The following NRG3 variants were observed in gnomAD, a reference collection of about 807,000 sequenced individuals.
The protein encoded by NRG3 is pro-neuregulin-3, membrane-bound isoform.
NRG3 carries 31 observed loss-of-function variants against 66.9 expected under a neutral mutation model. That is an observed-to-expected ratio of 0.46 (90% CI 0.35 to 0.63). NRG3 has a LOEUF of 0.63. NRG3 is among the 20% of genes least tolerant of loss of function. The pLI is 0.00. For synonymous variants in NRG3, 393 were observed against 359.4 expected (o/e 1.09, Z -1.06); for missense variants, 910 against 878.9 (o/e 1.04, Z -0.45).
At chr10:82,012,686 CT>C (rs1211372260) in intron 1 of NRG3, among the ~76,000 whole-genome samples, 2 of 152,188 alleles carry the variant, frequency 1.3e-5, no homozygotes, top group African/African-American at 2.4e-5. Flanking sequence ...TTAGAAATTT[CT>C]TCCACCAGAT....
chr10:82,567,004 C>T (rs2045449999), intron 2 of NRG3, among the ~76,000 whole-genome samples: 1 of 151,876 alleles, frequency 6.6e-6, no homozygotes, highest in Admixed American at 6.6e-5. Context: ...CACAGCAATA[C>T]TCTTCCAAGC....
chr10:82,478,231 CTTTTTTTTTTTTTTT>C (rs1210990084), intron 2 of NRG3, among the ~76,000 whole-genome samples: 1 of 18,150 alleles, frequency 5.5e-5, no homozygotes, highest in African/African-American at 1.2e-4. Context: ...TTGTGTCACT[CTTTTTTTTTTTTTTT>C]TTTTTTTTTT....
At position 82,047,040 on chromosome 10, in the gene NRG3, T is replaced by C. The variant is rs200663232; in HGVS notation, c.823+170877T>C. 3.2e-3 allele frequency among the ~76,000 whole-genome samples: 489 copies of C among 151,640 alleles called. 3 individuals carry two copies. Among genetic ancestry groups the C allele is most frequent in the African/African-American group, 0.011 (464 of 41,442 alleles). ...TTGGTCTAAAATTCTCTTTCTTGGT[T>C]GTGTCTCTGCCAGGCTTTGGTATCA... On this transcript the variant is annotated intron_variant, in intron 1 of 8. Transcript: ENST00000372141.
At chr10:82,102,113 CATATATATATATGTGTATTCATAT>C (rs1423928843) in intron 1 of NRG3, among the ~76,000 whole-genome samples, 1,336 of 85,992 alleles carry the variant, frequency 0.016, 56 homozygotes, top group African/African-American at 0.053. Context: ...TATGTGTATT[CATATATATATATGTGTATTCATAT>C]ATATATATAT....
intron 1 of NRG3, among the ~76,000 whole-genome samples, chr10:82,281,903 G>A (rs1406734225): frequency 1.3e-5 from 2 of 152,168 alleles, no homozygotes; most frequent in African/African-American, 4.8e-5. Context: ...AGAAAGGATT[G>A]ACAGTAGACA....
At chr10:82,160,732 A>G (rs2071527250) in intron 1 of NRG3, among the ~76,000 whole-genome samples, 1 of 152,026 alleles carries the variant, frequency 6.6e-6, no homozygotes, top group Admixed American at 6.6e-5. Flanking sequence ...AATATTGAAG[A>G]GAATATTTTA....
At chr10:82,640,286 T>C (rs2050481524) in intron 2 of NRG3, among the ~76,000 whole-genome samples, 1 of 152,214 alleles carries the variant, frequency 6.6e-6, no homozygotes, top group Admixed American at 6.5e-5. Flanking sequence ...GTAGACTTGA[T>C]AAATAAAATG....
intron 1 of NRG3, among the ~76,000 whole-genome samples, chr10:82,210,054 A>G (rs1204394205): frequency 1.3e-5 from 2 of 152,198 alleles, no homozygotes; most frequent in Non-Finnish European, 2.9e-5. Context: ...GTTTATCAAG[A>G]ATACTCTCCT....
chr10:82,316,847 T>A (rs1648498639), intron 1 of NRG3, among the ~76,000 whole-genome samples: 1 of 152,194 alleles, frequency 6.6e-6, no homozygotes. Flanking sequence ...TGGGTTTACC[T>A]ATGGAGCAAG....
At chr10:82,759,057 A>G (rs113182918) in intron 3 of NRG3, among the ~76,000 whole-genome samples, 4,812 of 152,100 alleles carry the variant, frequency 0.032, 272 homozygotes, top group African/African-American at 0.11. Flanking sequence ...GGACCTAGTG[A>G]GAGATGTTTG....
rs188114795 is a variant in NRG3 at position 82,022,137 on chromosome 10, A to T, written c.823+145974A>T. On this transcript the variant is annotated intron_variant, in intron 1 of 8. Coordinates refer to ENST00000372141, the MANE Select transcript of NRG3 (RefSeq NM_001010848.4). ...GTGTAATGCACTACTTTCCAATGATAAGGAATTTAGATAAGCAAAATGTGC... is the reference window on the plus strand; with the variant it reads ...GTGTAATGCACTACTTTCCAATGATTAGGAATTTAGATAAGCAAAATGTGC... 4.6e-5 allele frequency among the ~76,000 whole-genome samples: 7 copies of T among 152,158 alleles called. No individual in the cohort carries two copies. The South Asian group carries it at 1.5e-3, about 32-fold the overall frequency.
chr10:82,703,930 T>C (rs1255120206), intron 2 of NRG3, among the ~76,000 whole-genome samples: 1 of 152,152 alleles, frequency 6.6e-6, no homozygotes, highest in Non-Finnish European at 1.5e-5. Context: ...TATCTGAGTA[T>C]CAGATAAGCT....
At chr10:82,813,784 C>T (rs944242187) in intron 3 of NRG3, among the ~76,000 whole-genome samples, 6 of 152,170 alleles carry the variant, frequency 3.9e-5, no homozygotes, top group African/African-American at 1.4e-4. Flanking sequence ...AAATCATTGA[C>T]AAATCAAATT....
chr10:82,541,339 C>G (rs1323306249), intron 2 of NRG3, among the ~76,000 whole-genome samples: 2 of 152,038 alleles, frequency 1.3e-5, no homozygotes, highest in African/African-American at 4.8e-5. Context: ...GACAAGAACC[C>G]CTCGGACACC....
chr10:82,739,403 G>A (rs1224532129), intron 3 of NRG3, among the ~76,000 whole-genome samples: 1 of 152,306 alleles, frequency 6.6e-6, no homozygotes, highest in African/African-American at 2.4e-5. Context: ...CAGCGATTTA[G>A]TTTAGTGAGG....
chr10:82,217,524 TG>T (rs2075747644), intron 1 of NRG3, among the ~76,000 whole-genome samples: 1 of 152,150 alleles, frequency 6.6e-6, no homozygotes, highest in African/African-American at 2.4e-5. Flanking sequence ...CCCTAGCTTC[TG>T]TCTTGGGCAA....
intron 5 of NRG3, among the ~76,000 whole-genome samples, chr10:82,954,396 T>C (rs1849829909): frequency 6.6e-6 from 1 of 151,824 alleles, no homozygotes; most frequent in African/African-American, 2.4e-5. Flanking sequence ...CAACATCTCC[T>C]CCTGGGACTC....
At chr10:82,264,391 G>C (rs189769290) in intron 1 of NRG3, among the ~76,000 whole-genome samples, 8 of 152,026 alleles carry the variant, frequency 5.3e-5, no homozygotes, top group African/African-American at 9.7e-5. Flanking sequence ...AGAACAGCCC[G>C]GGGGAAACTG....
In NRG3 at chr10:82,575,705, A is replaced by G. The variant is rs189674218; in HGVS notation, c.954-162872A>G. ...CATATTAGCATTTCCTATGGGGCCA[A>G]AAATCAAAGGGACAATATAGATTAA... On this transcript the variant is annotated intron_variant, in intron 2 of 8. Coordinates refer to ENST00000372141, the MANE Select transcript of NRG3 (RefSeq NM_001010848.4). Among the ~76,000 whole-genome samples the G allele has an allele frequency of 5.9e-5, 9 of 151,912 alleles. No individual in the cohort carries two copies. The East Asian group carries it at 1.7e-3, about 29-fold the overall frequency.
Sources: allele counts gnomAD v4.1 joint callset (sites outside exome capture counted in the v4.1 genomes callset), GRCh38; gene constraint gnomAD v4.1.1; transcripts MANE v1.5; gene names NCBI Gene and HGNC (gene_info 2026-07-23, HGNC 2026-07-21).